ACTR3C: variants seen among roughly 807,000 people sequenced by gnomAD.
ACTR3C encodes the protein actin-related protein 3C.
In ACTR3C, 18 loss-of-function variants were observed where a neutral mutation model predicts 26.3. The ratio of observed to expected loss-of-function variants is 0.68; its 90% CI spans 0.47 to 1.01. The LOEUF (loss-of-function observed/expected upper bound fraction) is 1.01. ACTR3C is among the 50% of genes least tolerant of loss of function. The pLI is 0.00. For missense variants in ACTR3C, 184 were observed against 250.7 expected, an observed-to-expected ratio of 0.73 and a Z score of 1.80; for synonymous variants, 55 against 94.5, an observed-to-expected ratio of 0.58 and a Z score of 2.42.
the ACTR3C span, among the ~76,000 whole-genome samples, chr7:150,069,311 G>C: frequency 6.6e-6 from 1 of 152,164 alleles, no homozygotes; most frequent in African/African-American, 2.4e-5. Context: ...GGGACCCCAC[G>C]TTAAGAAACC....
chr7:150,286,652 C>A lies in ACTR3C; in HGVS notation c.298-112G>T, dbSNP rs921917614. 5 of 1,416,208 alleles carry A rather than the reference C, an allele frequency of 3.5e-6. No homozygotes were observed. In the African/African-American group the frequency reaches 5.8e-5, roughly 17 times the overall value. 87.7% of individuals were successfully genotyped at this position (1,416,208 alleles called of 1,614,324 possible). A position where few individuals can be genotyped will look rare whatever the true frequency, so the allele number is the denominator to read the frequency against. On this transcript the variant is annotated intron_variant, in intron 4 of 7. Transcript: ENST00000683684. ...TAAACACACCCTGGGATCAGAACCG[C>A]CCCCACCGTTACTCTAGTGTGGATA...
At chr7:150,159,416 G>T in the ACTR3C span, among the ~76,000 whole-genome samples, 1 of 152,190 alleles carries the variant, frequency 6.6e-6, no homozygotes, top group Non-Finnish European at 1.5e-5. Context: ...GTCGTGGAAG[G>T]AATCAATACT....
the ACTR3C span, among the ~76,000 whole-genome samples, chr7:150,228,126 C>T: frequency 4.0e-4 from 61 of 152,242 alleles, no homozygotes; most frequent in African/African-American, 1.4e-3. Flanking sequence ...TGAGTGTTCC[C>T]ATTCATGAAC....
chr7:149,969,269 C>CTG, the ACTR3C span, among the ~76,000 whole-genome samples: 786 of 141,414 alleles, frequency 5.6e-3, 10 homozygotes, highest in African/African-American at 0.02. Flanking sequence ...TCAGAAAGAG[C>CTG]TGTGTGTGTG....
chr7:150,297,590 G>A (rs1795014917), intron 1 of ACTR3C, among the ~76,000 whole-genome samples: 2 of 152,230 alleles, frequency 1.3e-5, no homozygotes, highest in Non-Finnish European at 2.9e-5. Flanking sequence ...GGTGGCTCAT[G>A]CCTGTAATCC....
the ACTR3C span, among the ~76,000 whole-genome samples, chr7:150,036,931 G>T: frequency 4.1e-4 from 43 of 104,500 alleles, no homozygotes; most frequent in South Asian, 8.9e-3. Context: ...TGCGATGGGG[G>T]TCCTAAGAGC....
At chr7:149,935,549 G>A in the ACTR3C span, among the ~76,000 whole-genome samples, 22 of 149,604 alleles carry the variant, frequency 1.5e-4, no homozygotes, top group African/African-American at 5.4e-4. Context: ...TTACAGGCAT[G>A]AGCCACCATG....
chr7:150,071,890 C>T, the ACTR3C span, among the ~76,000 whole-genome samples: 1 of 147,506 alleles, frequency 6.8e-6, no homozygotes, highest in East Asian at 2.0e-4. Flanking sequence ...CAGAGAAGGC[C>T]ATAGTGTGGA....
the ACTR3C span, among the ~76,000 whole-genome samples, chr7:149,954,557 A>G: frequency 6.6e-6 from 1 of 152,186 alleles, no homozygotes; most frequent in Non-Finnish European, 1.5e-5. Context: ...CAAATCTCAA[A>G]CCAAATACAT....
the ACTR3C span, among the ~76,000 whole-genome samples, chr7:149,912,385 T>A: frequency 6.6e-6 from 1 of 151,952 alleles, no homozygotes; most frequent in Non-Finnish European, 1.5e-5. Context: ...AACATTCTTT[T>A]AGACAGTATA....
At chr7:150,113,531 T>G in the ACTR3C span, among the ~76,000 whole-genome samples, 1 of 152,236 alleles carries the variant, frequency 6.6e-6, no homozygotes, top group Non-Finnish European at 1.5e-5. Context: ...TACTAGAAGC[T>G]GTCTTAGTGG....
the ACTR3C span, among the ~76,000 whole-genome samples, chr7:149,990,950 A>G: frequency 6.6e-6 from 1 of 152,196 alleles, no homozygotes; most frequent in Non-Finnish European, 1.5e-5. Context: ...CATGCCCTGA[A>G]GAGCCTGCAA....
rs1272631949 is a variant in ACTR3C at position 150,295,252 on chromosome 7, C to G, written c.45G>C (p.Gln15His). 6.2e-7 allele frequency: 1 copy of G among 1,613,808 alleles called. No homozygotes were observed. Among genetic ancestry groups the G allele is most frequent in the Non-Finnish European group, 8.5e-7 (1 of 1,179,838 alleles). The change falls in exon 2 of 8, where the codon CAG becomes CAC. Residue 15 changes from glutamine (Q) to histidine (H), a missense_variant and splice_region_variant. Coordinates refer to ENST00000683684, the MANE Select transcript of ACTR3C (RefSeq NM_001164458.2). ...GAATCACAAACATAACTGGTTTTACCTGAACTGCAATGTAGAGTCCTGGAA... is the reference window on the plus strand; with the variant it reads ...GAATCACAAACATAACTGGTTTTACGTGAACTGCAATGTAGAGTCCTGGAA... ...FNVPGLYIAVQAVLALAASWT... is the reference protein window; with the variant it reads ...FNVPGLYIAVHAVLALAASWT...
chr7:150,198,980 G>C, the ACTR3C span, among the ~76,000 whole-genome samples: 1 of 127,018 alleles, frequency 7.9e-6, no homozygotes, highest in East Asian at 2.5e-4. Context: ...GGAGGGAGGT[G>C]GGGGGGGTCA....
the ACTR3C span, among the ~76,000 whole-genome samples, chr7:150,181,890 C>A: frequency 0.021 from 3,119 of 150,328 alleles, 390 homozygotes; most frequent in African/African-American, 0.076. Context: ...TGTGCCAGAC[C>A]CTGTTCTGGA....
At chr7:149,933,364 T>C in the ACTR3C span, among the ~76,000 whole-genome samples, 1 of 151,612 alleles carries the variant, frequency 6.6e-6, no homozygotes, top group Non-Finnish European at 1.5e-5. Flanking sequence ...ATCAGGACAC[T>C]GATGATTTAC....
the ACTR3C span, among the ~76,000 whole-genome samples, chr7:149,933,571 CA>C: frequency 2.0e-5 from 3 of 152,098 alleles, no homozygotes; most frequent in Admixed American, 6.6e-5. Flanking sequence ...ACAATTACAA[CA>C]AAAAGCCATG....
chr7:150,311,422 C>A (rs1451238214), intron 1 of ACTR3C, among the ~76,000 whole-genome samples: 1 of 152,180 alleles, frequency 6.6e-6, no homozygotes, highest in African/African-American at 2.4e-5. Flanking sequence ...ACAAGCTATG[C>A]TCCACTTACC....
intron 6 of ACTR3C, among the ~76,000 whole-genome samples, chr7:150,270,613 C>A (rs1327794241): frequency 1.5e-5 from 2 of 134,906 alleles, no homozygotes; most frequent in African/African-American, 6.1e-5. Flanking sequence ...ATGGGCGCCA[C>A]CCCCCCGCCC....
Sources: allele counts gnomAD v4.1 joint callset (sites outside exome capture counted in the v4.1 genomes callset), GRCh38; gene constraint gnomAD v4.1.1; transcripts MANE v1.5; gene names NCBI Gene and HGNC (gene_info 2026-07-23, HGNC 2026-07-21).